AHDC1: variants seen among roughly 807,000 people sequenced by gnomAD.
AHDC1 encodes AT-hook DNA binding motif containing 1, also known as transcription factor Gibbin.
AHDC1 carries 7 observed loss-of-function variants against 87.9 expected under a neutral mutation model. The ratio of observed to expected loss-of-function variants is 0.08; its 90% confidence interval spans 0.05 to 0.15. The LOEUF is 0.15. Among genes scored for constraint, AHDC1 ranks in the 10% least tolerant of loss-of-function variants. The probability of loss-of-function intolerance (pLI) is 1.00; values close to 1 mark genes in which losing one functional copy is unlikely to be tolerated. For synonymous variants in AHDC1, 1,051 were observed against 1,006.8 expected (o/e 1.04, Z -0.83); for missense variants, 1,841 against 2,253.2 (o/e 0.82, Z 3.70).
At chr1:27,557,076 T>G (rs911722947) in intron 5 of AHDC1, among the ~76,000 whole-genome samples, 1 of 45,364 alleles carries the variant, frequency 2.2e-5, no homozygotes, top group African/African-American at 8.5e-5. Flanking sequence ...GCCCACCCCC[T>G]TCCTCCCTGG....
At chr1:27,535,319 A>G (rs2018593911) in intron 8 of AHDC1, among the ~76,000 whole-genome samples, 1 of 152,220 alleles carries the variant, frequency 6.6e-6, no homozygotes, top group Admixed American at 6.5e-5. Context: ...TAAAAAGAAG[A>G]TAACTGAACT....
At position 27,550,544 on chromosome 1, in the gene AHDC1, C is replaced by G. The variant is rs2019479771; in HGVS notation, c.1572G>C (p.Lys524Asn). The G allele has an allele frequency of 6.2e-7, 1 of 1,612,806 alleles. No homozygotes were observed. The highest frequency in any genetic ancestry group is 8.5e-7 in the Non-Finnish European group (1 of 1,179,204). Reference sequence around the variant, plus strand: ...CCACTACCACGTTCCGCCCATTGTTCTTCATCTTCAGCAGCGGGGTGGGCT... The same window carrying G: ...CCACTACCACGTTCCGCCCATTGTTGTTCATCTTCAGCAGCGGGGTGGGCT... ...SAEPTPLLKMKNNGRNVVVVF... is the reference protein window; with the variant it reads ...SAEPTPLLKMNNNGRNVVVVF... The change falls in exon 8 of 9, where the codon AAG becomes AAC. Residue 524 changes from lysine (K) to asparagine (N), a missense_variant. Transcript: ENST00000673934.
chr1:27,541,033 C>T lies in AHDC1; in HGVS notation c.*44-6117G>A, dbSNP rs929766399. 7.6e-5 allele frequency among the ~76,000 whole-genome samples: 7 copies of T among 91,770 alleles called. No homozygotes were observed. In the South Asian group the frequency reaches 2.6e-3, roughly 34 times the overall value. The allele number at this position is 91,770 out of a possible 152,430, so 60.2% of individuals were successfully genotyped here. ...AAAAAAAAAAAAAAAAAAACAACAA[C>T]AAAACCCAAGCACTTTGGTGGCCAT... On this transcript the variant is annotated intron_variant, in intron 8 of 8. Transcript: ENST00000673934.
At chr1:27,584,395 A>T (rs2088989578) in intron 3 of AHDC1, among the ~76,000 whole-genome samples, 1 of 152,212 alleles carries the variant, frequency 6.6e-6, no homozygotes, top group Non-Finnish European at 1.5e-5. Context: ...CTATAGCATC[A>T]ATGCCATTAT....
rs556179976 is a variant in AHDC1 at position 27,544,804 on chromosome 1, T to C, written c.*43+2457A>G. Among the ~76,000 whole-genome samples, 74 of 152,358 alleles carry C rather than the reference T, an allele frequency of 4.9e-4. No homozygotes were observed. In the South Asian group the frequency reaches 9.3e-3, roughly 19 times the overall value. ...CATCATCACTGCATGTGTGGACTAC[T>C]GCAGCTGGTCTCCCTGCTTCAACAC... On this transcript the variant is annotated intron_variant, in intron 8 of 8. Transcript: ENST00000673934.
At position 27,547,220 on chromosome 1, in the gene AHDC1, C is replaced by A; in HGVS notation, c.*43+41G>T. 1 of 1,373,276 alleles carries A rather than the reference C, an allele frequency of 7.3e-7. No homozygotes were observed. Among genetic ancestry groups the A allele is most frequent in the South Asian group, 1.4e-5 (1 of 70,972 alleles). 85.1% of individuals were successfully genotyped at this position (1,373,276 alleles called of 1,614,324 possible). On this transcript the variant is annotated intron_variant, in intron 8 of 8. Transcript: ENST00000673934. The surrounding 1 kb of genome is among the most constrained non-coding windows in gnomAD (Gnocchi z 4.9). ...CTAAGCTCTGATGTCCTCTTCCCAC[C>A]CCCAGGCCTCTGCCCACTGCGCCCA...
rs1336436180 is a variant in AHDC1, at chr1:27,551,156, C to T, written c.960G>A (p.Leu320=). Residue 320 remains leucine, a synonymous_variant, in exon 8 of 9, where the codon CTG becomes CTA. Coordinates refer to ENST00000673934, the MANE Select transcript of AHDC1 (RefSeq NM_001371928.1). The part of the protein sequence containing the change: ...PGLALQALDT[L]PDSLESQLLD... ...GCAGCTGCGACTCCAAGGAGTCAGGCAGGGTGTCCAGGGCCTGGAGAGCCA... is the reference window on the plus strand; with the variant it reads ...GCAGCTGCGACTCCAAGGAGTCAGGTAGGGTGTCCAGGGCCTGGAGAGCCA... 1.2e-6 allele frequency: 2 copies of T among 1,606,570 alleles called. No individual in the cohort carries two copies. Among genetic ancestry groups the T allele is most frequent in the South Asian group, 2.2e-5 (2 of 90,462 alleles).
intron 3 of AHDC1, among the ~76,000 whole-genome samples, chr1:27,586,862 C>T (rs574298949): frequency 6.6e-6 from 1 of 152,324 alleles, no homozygotes; most frequent in East Asian, 1.9e-4. Flanking sequence ...TACCACCACA[C>T]AGGTCAGAGC....
chr1:27,556,895 C>A (rs2019840218), intron 5 of AHDC1, among the ~76,000 whole-genome samples: 1 of 152,096 alleles, frequency 6.6e-6, no homozygotes, highest in Admixed American at 6.5e-5. Context: ...CAACTAGATG[C>A]ACTACTCTCC....
Position 27,595,892 on chromosome 1 carries a change from T to C in AHDC1, c.-629+7505A>G, listed in dbSNP as rs1229887740. Among the ~76,000 whole-genome samples, 3 of 151,594 alleles carry C rather than the reference T, an allele frequency of 2.0e-5. No individual in the cohort carries two copies. Among genetic ancestry groups the C allele is most frequent in the Admixed American group, 1.3e-4 (2 of 15,244 alleles). On this transcript the variant is annotated intron_variant, in intron 3 of 8. Transcript: ENST00000673934. This position sits in a 1 kb window ranked among gnomAD's most constrained non-coding sequence, Gnocchi z 4.0. ...AGCTGGATGTCGGGGGGTATCTGTA[T>C]GTAGAGTGTGTGTGTGGAAGTGTGT...
intron 3 of AHDC1, among the ~76,000 whole-genome samples, chr1:27,582,132 T>A (rs2088925454): frequency 6.6e-6 from 1 of 152,236 alleles, no homozygotes; most frequent in Non-Finnish European, 1.5e-5. Flanking sequence ...CCCTGGACAT[T>A]GACCCACCTC....
At chr1:27,592,400 G>A (rs887410336) in intron 3 of AHDC1, among the ~76,000 whole-genome samples, 9 of 152,096 alleles carry the variant, frequency 5.9e-5, no homozygotes, top group Admixed American at 1.3e-4. Flanking sequence ...GCCTGTCACC[G>A]GAGCCGCCTG....
At chr1:27,539,146 T>C (rs958315562) in intron 8 of AHDC1, among the ~76,000 whole-genome samples, 5 of 150,214 alleles carry the variant, frequency 3.3e-5, no homozygotes, top group Non-Finnish European at 7.4e-5. Flanking sequence ...TTCTTTTTTT[T>C]TTTTTTTTTT....
chr1:27,583,384 A>G (rs932061307), intron 3 of AHDC1, among the ~76,000 whole-genome samples: 3 of 151,508 alleles, frequency 2.0e-5, no homozygotes, highest in Non-Finnish European at 2.9e-5. Flanking sequence ...TCAACTACCC[A>G]TTTCTCAAGA....
intron 5 of AHDC1, among the ~76,000 whole-genome samples, chr1:27,557,238 A>T (rs377617776): frequency 7.0e-6 from 1 of 142,580 alleles, no homozygotes; most frequent in Non-Finnish European, 1.5e-5. Flanking sequence ...GAGGTCACCC[A>T]GGGACTAAGC....
intron 8 of AHDC1, among the ~76,000 whole-genome samples, chr1:27,538,409 A>AAAAAAAG (rs2018747169): frequency 6.6e-6 from 1 of 151,046 alleles, no homozygotes; most frequent in African/African-American, 2.4e-5. Context: ...TCAAAAAAAA[A>AAAAAAAG]AAAAAAAAAC....
chr1:27,586,186 T>C (rs2089051889), intron 3 of AHDC1, among the ~76,000 whole-genome samples: 1 of 152,164 alleles, frequency 6.6e-6, no homozygotes, highest in African/African-American at 2.4e-5. Context: ...ATCAAAATAC[T>C]GTTTCTTGAG....
intron 3 of AHDC1, among the ~76,000 whole-genome samples, chr1:27,584,059 T>G (rs1290610819): frequency 6.6e-6 from 1 of 152,200 alleles, no homozygotes; most frequent in Non-Finnish European, 1.5e-5. Context: ...AATAAATTAA[T>G]TAGCTAATTT....
rs1393723153 is a variant in AHDC1, at chr1:27,590,309, A to T, written c.-629+13088T>A. On this transcript the variant is annotated intron_variant, in intron 3 of 8. Coordinates refer to ENST00000673934, the MANE Select transcript of AHDC1 (RefSeq NM_001371928.1). The surrounding 1 kb of genome is among the most constrained non-coding windows in gnomAD (Gnocchi z 5.4). ...GGGGAGCTGGGCGGGGAGGCCCACA[A>T]CTCCAACCTACTGTTTGCCTGGGCC... Among the ~76,000 whole-genome samples the T allele has an allele frequency of 6.6e-6, 1 of 151,890 alleles. No homozygotes were observed. Among genetic ancestry groups the T allele is most frequent in the African/African-American group, 2.4e-5 (1 of 41,312 alleles).
Sources: gnomAD v4.1 joint callset for allele counts (sites outside exome capture counted in the v4.1 genomes callset) on GRCh38, gnomAD v4.1.1 for gene constraint, Gnocchi (gnomAD v3.1) non-coding constraint, MANE v1.5 for transcripts, NCBI Gene and HGNC (gene_info 2026-07-23, HGNC 2026-07-21) for gene names.